PARG: variants seen among roughly 807,000 people sequenced by gnomAD.
The protein encoded by PARG is poly(ADP-ribose) glycohydrolase.
In PARG, 35 loss-of-function variants were observed where a neutral mutation model predicts 113.0. The observed-to-expected ratio is 0.31, with a 90% CI of 0.24 to 0.41. The LOEUF (loss-of-function observed/expected upper bound fraction) is 0.41, where lower values mean the gene tolerates loss of function less well. PARG is among the 10% of genes least tolerant of loss of function. PARG has a pLI of 1.00. For synonymous variants in PARG, 330 were observed against 409.9 expected, an observed-to-expected ratio of 0.81 and a Z score of 2.36; for missense variants, 797 against 1,169.4, an observed-to-expected ratio of 0.68 and a Z score of 4.64.
intron 6 of PARG, among the ~76,000 whole-genome samples, chr10:49,920,527 CAT>C (rs1837783832): frequency 1.2e-5 from 1 of 85,362 alleles, no homozygotes; most frequent in African/African-American, 4.2e-5. Context: ...TATGTATATA[CAT>C]GTATATATAT....
intron 7 of PARG, among the ~76,000 whole-genome samples, chr10:49,898,019 T>C (rs1848178957): frequency 6.6e-6 from 1 of 151,788 alleles, no homozygotes; most frequent in Non-Finnish European, 1.5e-5. Flanking sequence ...CACAAAGACA[T>C]TGGGACTAGA....
intron 9 of PARG, among the ~76,000 whole-genome samples, chr10:49,874,576 C>T (rs1317352082): frequency 1.3e-5 from 2 of 151,548 alleles, no homozygotes; most frequent in East Asian, 2.0e-4. Flanking sequence ...TAAAATTGGC[C>T]GGGTGCGGTG....
At position 49,869,453 on chromosome 10, in the gene PARG, C is replaced by T. The variant is rs1554837486; in HGVS notation, c.2068+23G>A. ...CTGTTCCCATCAGCAAGAAAAATTA[C>T]AGTAAGAATGAAAGGAATTTACTTT... is the stretch of plus-strand genomic sequence containing the variant. On this transcript the variant is annotated intron_variant, in intron 10 of 17. Transcript: ENST00000616448. The T allele has an allele frequency of 4.1e-6, 3 of 722,902 alleles. No homozygotes were observed. The Admixed American group carries it at 6.2e-5, about 15-fold the overall frequency. The allele number at this position is 722,902 out of a possible 1,614,324, so 44.8% of individuals were successfully genotyped here.
intron 7 of PARG, among the ~76,000 whole-genome samples, chr10:49,892,638 TA>T (rs1249400859): frequency 2.0e-5 from 3 of 152,194 alleles, no homozygotes; most frequent in African/African-American, 7.2e-5. Flanking sequence ...AATACCCAAA[TA>T]CTATTTGGTT....
rs1822834150 is a variant in PARG at position 49,932,234 on chromosome 10, T to C, written c.1321A>G (p.Lys441Glu). Residue 441 changes from lysine (K) to glutamate (E), a missense_variant, in exon 4 of 18, where the codon AAA becomes GAA. Lys to Glu is a moderately conservative substitution (Grantham distance 56). Coordinates refer to ENST00000616448, the MANE Select transcript of PARG (RefSeq NM_003631.5). ...KHQRTERKIPKYVPPHLSPDK... is the reference protein window; with the variant it reads ...KHQRTERKIPEYVPPHLSPDK... ...GGAGAAAGGTGAGGTGGAACGTATT[T>C]AGGGATCTTCCTTTCTGTTCTTTGA... 6.3e-7 allele frequency: 1 copy of C among 1,598,188 alleles called. No homozygotes were observed. The highest frequency in any genetic ancestry group is 1.3e-5 in the African/African-American group (1 of 74,666).
intron 12 of PARG, among the ~76,000 whole-genome samples, chr10:49,857,726 T>C (rs186259990): frequency 6.6e-6 from 1 of 152,000 alleles, no homozygotes; most frequent in African/African-American, 2.4e-5. Context: ...TACAGACTCT[T>C]GTTTATAAAC....
intron 7 of PARG, among the ~76,000 whole-genome samples, chr10:49,910,763 T>C (rs1265460749): frequency 1.3e-5 from 2 of 152,228 alleles, no homozygotes; most frequent in African/African-American, 2.4e-5. Context: ...TAACATTTTA[T>C]ACTTATTGTG....
chr10:49,902,235 T>G (rs1848377606), intron 7 of PARG, among the ~76,000 whole-genome samples: 1 of 152,214 alleles, frequency 6.6e-6, no homozygotes, highest in African/African-American at 2.4e-5. Flanking sequence ...ACACCTAATT[T>G]TATTCAACTG....
intron 3 of PARG, among the ~76,000 whole-genome samples, chr10:49,932,700 G>A (rs1181204136): frequency 6.6e-6 from 1 of 152,046 alleles, no homozygotes; most frequent in Non-Finnish European, 1.5e-5. Flanking sequence ...GACACACCTG[G>A]ATTTAAATCC....
intron 7 of PARG, among the ~76,000 whole-genome samples, chr10:49,897,854 T>C (rs1354555222): frequency 6.6e-6 from 1 of 152,150 alleles, no homozygotes; most frequent in African/African-American, 2.4e-5. Flanking sequence ...TAGCTGAGCA[T>C]TGTGGCCCAC....
chr10:49,900,365 T>G (rs1235357434), intron 7 of PARG, among the ~76,000 whole-genome samples: 1 of 151,648 alleles, frequency 6.6e-6, no homozygotes, highest in African/African-American at 2.4e-5. Flanking sequence ...AATTTCCCCA[T>G]CATGACTCCT....
rs1271676844 is a variant in PARG, at chr10:49,932,056, G to A, written c.1455+44C>T. On this transcript the variant is annotated intron_variant, in intron 4 of 17. Transcript: ENST00000616448. ...ACTTAATAAATATCACAATAAATAA[G>A]GACTTCCAGTCTTCTCTCATCATAG... 6.5e-6 allele frequency: 7 copies of A among 1,080,680 alleles called. No individual in the cohort carries two copies. In the East Asian group the frequency reaches 1.7e-4, roughly 26 times the overall value. 66.9% of individuals were successfully genotyped at this position (1,080,680 alleles called of 1,614,324 possible). A position where few individuals can be genotyped will look rare whatever the true frequency, so the allele number is the denominator to read the frequency against.
chr10:49,910,409 A>T (rs2813012), intron 7 of PARG, among the ~76,000 whole-genome samples: 40 of 151,624 alleles, frequency 2.6e-4, no homozygotes, highest in South Asian at 6.3e-4. Context: ...CACAGCAACA[A>T]AATCATTCTA....
intron 7 of PARG, among the ~76,000 whole-genome samples, chr10:49,905,499 T>C (rs1456846754): frequency 2.0e-5 from 3 of 152,290 alleles, no homozygotes; most frequent in Middle Eastern, 6.8e-3. Context: ...ATGGAATACT[T>C]GCTACAAAGG....
chr10:49,836,821 T>C (rs1554831195), intron 15 of PARG, among the ~76,000 whole-genome samples: 1 of 152,180 alleles, frequency 6.6e-6, no homozygotes, highest in African/African-American at 2.4e-5. Flanking sequence ...GATCAATTTT[T>C]AAAAAGGTAA....
intron 7 of PARG, among the ~76,000 whole-genome samples, chr10:49,891,610 TA>T (rs1847792407): frequency 6.0e-5 from 3 of 49,936 alleles, no homozygotes; most frequent in African/African-American, 2.4e-4. Context: ...TATATATATA[TA>T]TATATATATA....
At position 49,933,619 on chromosome 10, in the gene PARG, T is replaced by C; in HGVS notation, c.829A>G (p.Asn277Asp). ...TCTTGTCTAGTCAATTTGTTGTCAT[T>C]TTTTGGCCCAGTACCAACATCCTCA... Reference protein sequence around the residue: ...GSEDVGTGPKNDNKLTRQESC... With the variant: ...GSEDVGTGPKDDNKLTRQESC... The change falls in exon 3 of 18, where the codon AAT (asparagine) becomes GAT (aspartate). Residue 277 changes from asparagine (N) to aspartate (D), a missense_variant. This residue lies in a region of PARG where 284 missense variants were observed against 306.1 expected (regional missense o/e 0.93). Transcript: ENST00000616448. The C allele has an allele frequency of 1.9e-6, 3 of 1,610,728 alleles. No individual in the cohort carries two copies. The highest frequency in any genetic ancestry group is 1.7e-4 in the Middle Eastern group (1 of 6,054).
chr10:49,856,454 A>G (rs1434199316), intron 13 of PARG, among the ~76,000 whole-genome samples: 95 of 151,916 alleles, frequency 6.3e-4, no homozygotes, highest in Non-Finnish European at 1.2e-3. Flanking sequence ...CGCTAGGATT[A>G]CAGGCATGAA....
At chr10:49,856,132 A>G (rs1845973604) in intron 13 of PARG, among the ~76,000 whole-genome samples, 2 of 151,834 alleles carry the variant, frequency 1.3e-5, no homozygotes, top group South Asian at 2.1e-4. Flanking sequence ...TCCTCCTCCC[A>G]TATTAGCGTA....
Sources: allele counts gnomAD v4.1 joint callset (sites outside exome capture counted in the v4.1 genomes callset), GRCh38; gene constraint gnomAD v4.1.1; regional missense constraint gnomAD v4.1.1; transcripts MANE v1.5; gene names NCBI Gene and HGNC (gene_info 2026-07-23, HGNC 2026-07-21).